FSTL4: variants seen among roughly 807,000 people sequenced by gnomAD.
FSTL4 encodes follistatin-related protein 4.
A neutral mutation model predicts 78.2 loss-of-function variants in FSTL4; 28 were observed. The ratio of observed to expected loss-of-function variants is 0.36; its 90% confidence interval spans 0.27 to 0.49. The LOEUF is 0.49. FSTL4 is among the 20% of genes least tolerant of loss of function. FSTL4 has a pLI of 0.98. For synonymous variants in FSTL4, 422 were observed against 440.5 expected (o/e 0.96, Z 0.53); for missense variants, 922 against 1,084.9 (o/e 0.85, Z 2.11).
At chr5:133,818,052 C>T in the FSTL4 span, among the ~76,000 whole-genome samples, 5 of 152,226 alleles carry the variant, frequency 3.3e-5, no homozygotes, top group Non-Finnish European at 5.9e-5. Flanking sequence ...AAGAGAACTT[C>T]GATCCAAGAA....
At position 133,574,474 on chromosome 5, in the gene FSTL4, C is replaced by T. The variant is rs200285343; in HGVS notation, c.127-7255G>A. Among the ~76,000 whole-genome samples, 12 of 152,330 alleles carry T rather than the reference C, an allele frequency of 7.9e-5. No individual in the cohort carries two copies. In the East Asian group the frequency reaches 2.1e-3, roughly 27 times the overall value. Reference sequence around the variant, plus strand: ...CTGCAGGTACTGCTCTTAACTATTGCAGTGTTTCCTTTTCCACCTTCTTAA... The same window carrying T: ...CTGCAGGTACTGCTCTTAACTATTGTAGTGTTTCCTTTTCCACCTTCTTAA... On this transcript the variant is annotated intron_variant, in intron 2 of 15. Transcript: ENST00000265342.
At chr5:133,638,469 T>G in the FSTL4 span, among the ~76,000 whole-genome samples, 1 of 152,168 alleles carries the variant, frequency 6.6e-6, no homozygotes. Context: ...CTTCTCTCCC[T>G]CTGCTGCAGC....
chr5:133,561,695 T>C (rs1273550124), intron 3 of FSTL4, among the ~76,000 whole-genome samples: 2 of 152,192 alleles, frequency 1.3e-5, no homozygotes, highest in African/African-American at 2.4e-5. Context: ...CCAGCACAAG[T>C]TGGGTTTCTA....
chr5:133,380,045 AGAGT>A (rs1755528778), intron 4 of FSTL4, among the ~76,000 whole-genome samples: 1 of 148,848 alleles, frequency 6.7e-6, no homozygotes, highest in African/African-American at 2.5e-5. Context: ...GCCTGGTGAC[AGAGT>A]GAGACTCTAT....
At chr5:133,658,980 T>C in the FSTL4 span, among the ~76,000 whole-genome samples, 1 of 152,134 alleles carries the variant, frequency 6.6e-6, no homozygotes, top group East Asian at 1.9e-4. Context: ...ATTGCATGCA[T>C]GATGTTGATT....
At chr5:133,498,516 C>T (rs753157055) in intron 3 of FSTL4, among the ~76,000 whole-genome samples, 1 of 152,072 alleles carries the variant, frequency 6.6e-6, no homozygotes, top group Non-Finnish European at 1.5e-5. Flanking sequence ...GCTGGGAGTT[C>T]GAGATCAGCC....
chr5:133,569,040 T>C (rs1203891817), intron 2 of FSTL4, among the ~76,000 whole-genome samples: 1 of 152,156 alleles, frequency 6.6e-6, no homozygotes, highest in Non-Finnish European at 1.5e-5. Context: ...AAATGGGATG[T>C]TCTCTTATTA....
At chr5:133,632,743 T>A in the FSTL4 span, among the ~76,000 whole-genome samples, 1 of 152,160 alleles carries the variant, frequency 6.6e-6, no homozygotes, top group Non-Finnish European at 1.5e-5. Flanking sequence ...TGGGGTGCAG[T>A]GGCATGATCA....
the FSTL4 span, among the ~76,000 whole-genome samples, chr5:133,756,563 A>G: frequency 5.9e-5 from 9 of 152,214 alleles, no homozygotes; most frequent in African/African-American, 1.7e-4. Flanking sequence ...GTTCCAGCCC[A>G]CCACGGGAAG....
At chr5:133,461,255 T>C (rs1008417639) in intron 3 of FSTL4, among the ~76,000 whole-genome samples, 2 of 152,156 alleles carry the variant, frequency 1.3e-5, no homozygotes, top group Non-Finnish European at 2.9e-5. Flanking sequence ...TGGGTTTCAA[T>C]CCACGACACA....
At chr5:133,734,562 C>T in the FSTL4 span, among the ~76,000 whole-genome samples, 1 of 152,156 alleles carries the variant, frequency 6.6e-6, no homozygotes, top group Non-Finnish European at 1.5e-5. Flanking sequence ...GGGTGACAGG[C>T]ACACGATGGG....
At chr5:133,508,456 C>T (rs1561450363) in intron 3 of FSTL4, among the ~76,000 whole-genome samples, 1 of 152,180 alleles carries the variant, frequency 6.6e-6, no homozygotes, top group Non-Finnish European at 1.5e-5. Flanking sequence ...TTTACACCAG[C>T]ATTGCCACAA....
intron 3 of FSTL4, among the ~76,000 whole-genome samples, chr5:133,452,322 A>G (rs932522525): frequency 6.6e-6 from 1 of 152,234 alleles, no homozygotes; most frequent in African/African-American, 2.4e-5. Context: ...CAAGTACCAA[A>G]CCAAACAACT....
chr5:133,667,610 T>C, the FSTL4 span, among the ~76,000 whole-genome samples: 5 of 152,222 alleles, frequency 3.3e-5, no homozygotes, highest in Non-Finnish European at 7.3e-5. Flanking sequence ...GCAGCTCCTC[T>C]GCCCAGAAGG....
At chr5:133,275,833 GTCA>G (rs1752871143) in intron 6 of FSTL4, 1 of 152,216 alleles carries the variant, frequency 6.6e-6, no homozygotes, top group South Asian at 2.1e-4. Flanking sequence ...GGAGAGCTGA[GTCA>G]TCATGCAGCA....
intron 4 of FSTL4, among the ~76,000 whole-genome samples, chr5:133,371,592 T>A (rs1290939737): frequency 6.6e-6 from 1 of 152,208 alleles, no homozygotes; most frequent in Non-Finnish European, 1.5e-5. Context: ...CCATTTGAAG[T>A]GCCTGTAAAG....
At chr5:133,550,293 T>A (rs761167467) in intron 3 of FSTL4, among the ~76,000 whole-genome samples, 1 of 152,248 alleles carries the variant, frequency 6.6e-6, no homozygotes, top group Non-Finnish European at 1.5e-5. Flanking sequence ...AAAATTTTCA[T>A]GTTATTAGTA....
chr5:133,781,440 G>T, the FSTL4 span, among the ~76,000 whole-genome samples: 6 of 151,136 alleles, frequency 4.0e-5, no homozygotes, highest in Non-Finnish European at 8.8e-5. Context: ...GCATGCATGT[G>T]TTGTCTTAGA....
intron 6 of FSTL4, among the ~76,000 whole-genome samples, chr5:133,268,456 G>C (rs1752692312): frequency 6.6e-6 from 1 of 152,162 alleles, no homozygotes; most frequent in African/African-American, 2.4e-5. Context: ...TTGAAAGGCT[G>C]GGCTAATGCA....
Sources: allele counts gnomAD v4.1 joint callset (sites outside exome capture counted in the v4.1 genomes callset), GRCh38; gene constraint gnomAD v4.1.1; transcripts MANE v1.5; gene names NCBI Gene and HGNC (gene_info 2026-07-23, HGNC 2026-07-21).